Variants in C7 observed in about 807,000 individuals in gnomAD.
The protein encoded by C7 is complement component C7.
A neutral mutation model predicts 104.8 loss-of-function variants in C7; 83 were observed. The ratio of observed to expected loss-of-function variants is 0.79; its 90% confidence interval spans 0.66 to 0.95. The LOEUF is 0.95. Ranked by LOEUF, C7 falls within the 40% of genes least tolerant of loss-of-function variation. The pLI, the probability that C7 is intolerant of heterozygous loss-of-function variation, is 0.00. For missense variants in C7, 1,070 were observed against 1,011.2 expected (o/e 1.06, Z -0.79); for synonymous variants, 415 against 360.6 (o/e 1.15, Z -1.71).
At chr5:40,944,708 T>C (rs1740009505) in intron 6 of C7, among the ~76,000 whole-genome samples, 1 of 152,204 alleles carries the variant, frequency 6.6e-6, no homozygotes, top group Admixed American at 6.5e-5. Context: ...AAAATGCAAT[T>C]TTAGCATTTA....
chr5:40,969,950 T>C (rs891909383), intron 14 of C7, among the ~76,000 whole-genome samples: 11 of 152,046 alleles, frequency 7.2e-5, no homozygotes, highest in African/African-American at 2.7e-4. Flanking sequence ...TCTTTCTATT[T>C]TTTTTGTCTT....
rs1579864728 is a variant in C7, at chr5:40,959,315, C to A, written c.1490-134C>A. ...GAGCCATTCTGAACATTGTAGAAAA[C>A]CTCAATGAAGAGTGAAGGTAATCAA... On this transcript the variant is annotated intron_variant, in intron 11 of 17. Coordinates refer to ENST00000313164, the MANE Select transcript of C7 (RefSeq NM_000587.4). The A allele has an allele frequency of 3.9e-6, 3 of 764,474 alleles. No homozygotes were observed. The East Asian group carries it at 8.1e-5, about 21-fold the overall frequency. The allele number at this position is 764,474 out of a possible 1,614,324, so 47.4% of individuals were successfully genotyped here.
intron 1 of C7, among the ~76,000 whole-genome samples, chr5:40,924,061 G>T (rs1739500075): frequency 6.6e-6 from 1 of 152,146 alleles, no homozygotes; most frequent in African/African-American, 2.4e-5. Flanking sequence ...TAACTGAAAA[G>T]TCTCAAGTCT....
In C7 at chr5:40,979,781, C is replaced by T; in HGVS notation, c.2222C>T (p.Thr741Ile). Residue 741 changes from threonine to isoleucine, a missense_variant, in exon 17 of 18, where the codon ACA becomes ATA. Physicochemically the swap from Thr to Ile is moderately conservative, Grantham distance 89. Coordinates refer to ENST00000313164, the MANE Select transcript of C7 (RefSeq NM_000587.4). Reference protein sequence around the residue: ...DERSKRILPLTVCKMHVLHCQ... With the variant: ...DERSKRILPLIVCKMHVLHCQ... ...AGAAGCAAAAGGATACTGCCTCTGA[C>T]AGTTTGCAAGATGCATGTTCTCCAC... is the stretch of plus-strand genomic sequence containing the variant. The T allele has an allele frequency of 2.5e-6, 4 of 1,613,636 alleles. No homozygotes were observed. The highest frequency in any genetic ancestry group is 3.4e-6 in the Non-Finnish European group (4 of 1,179,666).
At chr5:40,973,534 T>C (rs1436907114) in intron 15 of C7, among the ~76,000 whole-genome samples, 1 of 152,176 alleles carries the variant, frequency 6.6e-6, no homozygotes, top group African/African-American at 2.4e-5. Flanking sequence ...ATGGTAGATA[T>C]GGGCTGTGAT....
intron 6 of C7, among the ~76,000 whole-genome samples, chr5:40,941,059 C>T (rs1393529470): frequency 7.5e-6 from 1 of 132,472 alleles, no homozygotes; most frequent in African/African-American, 2.7e-5. Flanking sequence ...AAGAGGAACA[C>T]TTCTTTTTTT....
In C7 at chr5:40,936,519, T is replaced by C. The variant is rs765523302; in HGVS notation, c.428+34T>C. On this transcript the variant is annotated intron_variant, in intron 5 of 17. Transcript: ENST00000313164. ...CTGGGCAGCCTCCTGAGTACATCAG[T>C]GAATTGTAGTTTTAAATTTTGTTTT... is the stretch of plus-strand genomic sequence containing the variant. 8 of 1,581,746 alleles carry C rather than the reference T, an allele frequency of 5.1e-6. No homozygotes were observed. The Middle Eastern group carries it at 6.7e-4, about 132-fold the overall frequency.
At position 40,962,169 on chromosome 5, in the gene C7, T is replaced by G; in HGVS notation, c.1746T>G (p.Val582=). The G allele has an allele frequency of 6.5e-7, 1 of 1,541,980 alleles. No homozygotes were observed. The highest frequency in any genetic ancestry group is 8.8e-7 in the Non-Finnish European group (1 of 1,133,052). The part of the protein sequence containing the change: ...PSPPALKDGF[V]QDEGTMFPVG... Reference sequence around the variant, plus strand: ...CTCCTGCCTTGAAAGATGGATTTGTTCAAGTTGGTTATGAAAGATATTTTT... The same window carrying G: ...CTCCTGCCTTGAAAGATGGATTTGTGCAAGTTGGTTATGAAAGATATTTTT... The change falls in exon 13 of 18, where the codon GTT becomes GTG. Residue 582 remains valine, a synonymous_variant. Coordinates refer to ENST00000313164, the MANE Select transcript of C7 (RefSeq NM_000587.4).
At chr5:40,944,539 C>T (rs534518746) in intron 6 of C7, among the ~76,000 whole-genome samples, 1 of 152,300 alleles carries the variant, frequency 6.6e-6, no homozygotes, top group South Asian at 2.1e-4. Context: ...GTGGGCATTT[C>T]ATTTTGACAC....
Position 40,981,643 on chromosome 5 carries a change from C to A in C7, c.*70C>A. The A allele has an allele frequency of 7.6e-7, 1 of 1,316,108 alleles. No homozygotes were observed. Among genetic ancestry groups the A allele is most frequent in the Admixed American group, 2.4e-5 (1 of 42,026 alleles). 81.5% of individuals were successfully genotyped at this position (1,316,108 alleles called of 1,614,324 possible). A position where few individuals can be genotyped will look rare whatever the true frequency, so the allele number is the denominator to read the frequency against. On this transcript the variant is annotated 3_prime_UTR_variant, in exon 18 of 18. Coordinates refer to ENST00000313164, the MANE Select transcript of C7 (RefSeq NM_000587.4). Reference sequence around the variant, plus strand: ...CTGGGGCTGAGTGAAAACATCTGCACAACTGGGCACTGGACAGCTTTTCCT... The same window carrying A: ...CTGGGGCTGAGTGAAAACATCTGCAAAACTGGGCACTGGACAGCTTTTCCT...
At chr5:40,976,176 A>G (rs976817225) in intron 15 of C7, among the ~76,000 whole-genome samples, 6 of 152,238 alleles carry the variant, frequency 3.9e-5, no homozygotes, top group African/African-American at 7.2e-5. Context: ...TTAGACATTC[A>G]TATGTAAGAG....
At chr5:40,944,399 A>T (rs551138108) in intron 6 of C7, among the ~76,000 whole-genome samples, 5 of 152,330 alleles carry the variant, frequency 3.3e-5, no homozygotes, top group African/African-American at 1.2e-4. Context: ...CAGAACCTGT[A>T]GTTACATCTA....
rs1561264785 is a variant in C7 at position 40,984,185 on chromosome 5, A to AT, written c.*2615dup. ...TAGTGCTGCTTCTCTAAGCCCTGAGATTTAATGAGCCCCATTCAAACTGTT... is the reference window on the plus strand; with the variant it reads ...TAGTGCTGCTTCTCTAAGCCCTGAGATTTTAATGAGCCCCATTCAAACTGTT... On this transcript the variant is annotated 3_prime_UTR_variant, in exon 18 of 18. Coordinates refer to ENST00000313164, the MANE Select transcript of C7 (RefSeq NM_000587.4). 1.3e-5 allele frequency among the ~76,000 whole-genome samples: 2 copies of AT among 152,178 alleles called. No homozygotes were observed.
At chr5:40,930,261 A>G (rs1266102243) in intron 2 of C7, among the ~76,000 whole-genome samples, 1 of 133,626 alleles carries the variant, frequency 7.5e-6, no homozygotes, top group African/African-American at 2.9e-5. Flanking sequence ...GCTGGAGTGC[A>G]GTGGTGCAAT....
At chr5:40,914,154 C>T (rs1739269173) in intron 1 of C7, among the ~76,000 whole-genome samples, 1 of 152,068 alleles carries the variant, frequency 6.6e-6, no homozygotes, top group Non-Finnish European at 1.5e-5. Context: ...TAATAGTAGC[C>T]ATTCTGACTG....
In C7 at chr5:40,945,863, CA is replaced by C. The variant is rs1164817868; in HGVS notation, c.738+504del. On this transcript the variant is annotated intron_variant, in intron 7 of 17. Coordinates refer to ENST00000313164, the MANE Select transcript of C7 (RefSeq NM_000587.4). ...TGGGCAACAGAGTGAGACCCTGTCT[CA>C]AAAAAAAATACATATATATATATAT... 1.7e-4 allele frequency among the ~76,000 whole-genome samples: 18 copies of C among 105,548 alleles called. 1 individual carries two copies. Among genetic ancestry groups the C allele is most frequent in the East Asian group, 1.0e-3 (4 of 3,968 alleles). 69.2% of individuals were successfully genotyped at this position (105,548 alleles called of 152,430 possible).
At chr5:40,931,602 CTT>C (rs1383179384) in intron 3 of C7, among the ~76,000 whole-genome samples, 3 of 152,022 alleles carry the variant, frequency 2.0e-5, no homozygotes, top group African/African-American at 7.3e-5. Context: ...TGCAAAATGT[CTT>C]AAAGTTTAAT....
chr5:40,974,529 C>T (rs1043991610), intron 15 of C7, among the ~76,000 whole-genome samples: 1 of 152,038 alleles, frequency 6.6e-6, no homozygotes, highest in African/African-American at 2.4e-5. Context: ...CATTCTCCTG[C>T]CTCAGCCTCC....
intron 14 of C7, among the ~76,000 whole-genome samples, chr5:40,971,053 C>T (rs996296377): frequency 2.6e-5 from 4 of 152,196 alleles, no homozygotes; most frequent in Non-Finnish European, 4.4e-5. Flanking sequence ...CATACGTGTG[C>T]ATGTGTCTTT....
Sources: allele counts gnomAD v4.1 joint callset (sites outside exome capture counted in the v4.1 genomes callset), GRCh38; gene constraint gnomAD v4.1.1; transcripts MANE v1.5; gene names NCBI Gene and HGNC (gene_info 2026-07-23, HGNC 2026-07-21).